Variants in USP6NL observed in about 807,000 individuals in gnomAD.
The protein encoded by USP6NL is USP6 N-terminal like.
In USP6NL, 26 loss-of-function variants were observed where a neutral mutation model predicts 61.9. That is an observed-to-expected ratio of 0.42 (90% CI 0.31 to 0.58). The LOEUF (loss-of-function observed/expected upper bound fraction) is 0.58, where lower values mean the gene tolerates loss of function less well. Among genes scored for constraint, USP6NL ranks in the 20% least tolerant of loss-of-function variants. The pLI is 0.16. For synonymous variants in USP6NL, 432 were observed against 390.1 expected, an observed-to-expected ratio of 1.11 and a Z score of -1.27; for missense variants, 1,114 against 1,034.3, an observed-to-expected ratio of 1.08 and a Z score of -1.06.
chr10:11,514,335 A>G (rs1297654875), intron 5 of USP6NL, among the ~76,000 whole-genome samples: 2 of 141,896 alleles, frequency 1.4e-5, no homozygotes. Flanking sequence ...GATGGTGGTA[A>G]AATGGTGTTT....
Position 11,489,286 on chromosome 10 carries a change from G to C in USP6NL, c.544-64C>G. Reference sequence around the variant, plus strand: ...GTCGAATTACATGCATATGTACAGAGAAAAAGCTACTCTATAAAAACCAGA... The same window carrying C: ...GTCGAATTACATGCATATGTACAGACAAAAAGCTACTCTATAAAAACCAGA... On this transcript the variant is annotated intron_variant, in intron 9 of 14. Transcript: ENST00000609104. This position sits in a 1 kb window ranked among gnomAD's most constrained non-coding sequence, Gnocchi z 5.7. The C allele has an allele frequency of 1.9e-6, 3 of 1,553,672 alleles. No individual in the cohort carries two copies. Among genetic ancestry groups the C allele is most frequent in the Non-Finnish European group, 1.7e-6 (2 of 1,146,200 alleles).
At position 11,532,277 on chromosome 10, in the gene USP6NL, C is replaced by A; in HGVS notation, c.5-4710G>T. On this transcript the variant is annotated intron_variant, in intron 2 of 14. Coordinates refer to ENST00000609104, the MANE Select transcript of USP6NL (RefSeq NM_014688.5). The surrounding 1 kb of genome is among the most constrained non-coding windows in gnomAD (Gnocchi z 4.1). ...AAGATTTCATTATTATTTTATAGTTCTCGAACACACCAAGAGTGCTGCCCG... is the reference window on the plus strand; with the variant it reads ...AAGATTTCATTATTATTTTATAGTTATCGAACACACCAAGAGTGCTGCCCG... The A allele has an allele frequency of 6.5e-7, 1 of 1,532,956 alleles. No individual in the cohort carries two copies. The highest frequency in any genetic ancestry group is 8.8e-7 in the Non-Finnish European group (1 of 1,133,164). 95.0% of individuals were successfully genotyped at this position (1,532,956 alleles called of 1,614,324 possible). A position where few individuals can be genotyped will look rare whatever the true frequency, so the allele number is the denominator to read the frequency against.
At position 11,489,964 on chromosome 10, in the gene USP6NL, C is replaced by T. The variant is rs1833640814; in HGVS notation, c.544-742G>A. Among the ~76,000 whole-genome samples the T allele has an allele frequency of 6.6e-6, 1 of 152,164 alleles. No individual in the cohort carries two copies. The highest frequency in any genetic ancestry group is 2.4e-5 in the African/African-American group (1 of 41,430). ...AAAGGAAGCAATCTGGAGAGAGAAACAGTGAACTGAACAGTTCACAGAGAT... is the reference window on the plus strand; with the variant it reads ...AAAGGAAGCAATCTGGAGAGAGAAATAGTGAACTGAACAGTTCACAGAGAT... On this transcript the variant is annotated intron_variant, in intron 9 of 14. Coordinates refer to ENST00000609104, the MANE Select transcript of USP6NL (RefSeq NM_014688.5). This position sits in a 1 kb window ranked among gnomAD's most constrained non-coding sequence, Gnocchi z 5.7.
At chr10:11,505,309 C>T (rs1290429568) in intron 6 of USP6NL, among the ~76,000 whole-genome samples, 1 of 152,148 alleles carries the variant, frequency 6.6e-6, no homozygotes. Context: ...TTATTATGAG[C>T]TGACACTATG....
chr10:11,576,946 G>A (rs114144077), intron 2 of USP6NL, among the ~76,000 whole-genome samples: 58 of 152,044 alleles, frequency 3.8e-4, no homozygotes, highest in African/African-American at 1.4e-3. Flanking sequence ...CAACTAGGTA[G>A]AAATGATATT....
At chr10:11,541,648 CGTAA>C (rs894521600) in intron 2 of USP6NL, among the ~76,000 whole-genome samples, 14 of 152,020 alleles carry the variant, frequency 9.2e-5, no homozygotes, top group Non-Finnish European at 1.3e-4. Context: ...AATAGAAAGC[CGTAA>C]GTGTTTTTCA....
intron 5 of USP6NL, among the ~76,000 whole-genome samples, chr10:11,512,961 G>T (rs534937224): frequency 6.6e-6 from 1 of 152,134 alleles, no homozygotes; most frequent in Non-Finnish European, 1.5e-5. Context: ...TCTATAAAAC[G>T]AGAATTATTT....
chr10:11,483,497 A>G (rs1381317561), intron 13 of USP6NL, among the ~76,000 whole-genome samples: 13 of 63,052 alleles, frequency 2.1e-4, no homozygotes, highest in East Asian at 4.6e-4. Flanking sequence ...GGGGGAGGGG[A>G]GGGAGAGAGG....
chr10:11,480,632 C>T (rs373497478), intron 14 of USP6NL, among the ~76,000 whole-genome samples: 1 of 152,208 alleles, frequency 6.6e-6, no homozygotes. Context: ...TGGAGCAGTG[C>T]TGATTAGACC....
At chr10:11,486,160 A>T (rs1833461012) in intron 10 of USP6NL, among the ~76,000 whole-genome samples, 1 of 36,350 alleles carries the variant, frequency 2.8e-5, no homozygotes, top group African/African-American at 7.0e-5. Flanking sequence ...GGAAACCTTA[A>T]AAAAAAAAAA....
chr10:11,484,218 T>C (rs1833362764), intron 13 of USP6NL, among the ~76,000 whole-genome samples: 1 of 152,178 alleles, frequency 6.6e-6, no homozygotes, highest in African/African-American at 2.4e-5. Flanking sequence ...TTCAATGATT[T>C]TCTTTTCTGC....
chr10:11,579,399 G>T (rs192443053), intron 2 of USP6NL, among the ~76,000 whole-genome samples: 4 of 152,140 alleles, frequency 2.6e-5, no homozygotes, highest in African/African-American at 9.7e-5. Flanking sequence ...TCATTAATAA[G>T]ATAGTCCCCA....
rs996056291 is a variant in USP6NL at position 11,481,263 on chromosome 10, C to A, written c.1078+507G>T. Among the ~76,000 whole-genome samples, 4 of 152,064 alleles carry A rather than the reference C, an allele frequency of 2.6e-5. No individual in the cohort carries two copies. The highest frequency in any genetic ancestry group is 9.7e-5 in the African/African-American group (4 of 41,406). On this transcript the variant is annotated intron_variant, in intron 14 of 14. Coordinates refer to ENST00000609104, the MANE Select transcript of USP6NL (RefSeq NM_014688.5). The surrounding 1 kb of genome is among the most constrained non-coding windows in gnomAD (Gnocchi z 4.4). Reference sequence around the variant, plus strand: ...ATACTGTAGCATACTACAAAGAGCCCTGGGCTAGTAGTCAGAAAAACTGGC... The same window carrying A: ...ATACTGTAGCATACTACAAAGAGCCATGGGCTAGTAGTCAGAAAAACTGGC...
chr10:11,520,277 G>C lies in USP6NL; in HGVS notation c.156-1703C>G, dbSNP rs568636347. 6.6e-6 allele frequency among the ~76,000 whole-genome samples: 1 copy of C among 152,298 alleles called. No individual in the cohort carries two copies. Among genetic ancestry groups the C allele is most frequent in the African/African-American group, 2.4e-5 (1 of 41,574 alleles). On this transcript the variant is annotated intron_variant, in intron 4 of 14. Transcript: ENST00000609104. This position sits in a 1 kb window ranked among gnomAD's most constrained non-coding sequence, Gnocchi z 5.2. ...AAAAAGTCTTCAGACCTCATAGATG[G>C]ATGATAGAGTAAATATGTGGTCCAG... is the stretch of plus-strand genomic sequence containing the variant.
In USP6NL at chr10:11,470,062, A is replaced by G. The variant is rs1832665654; in HGVS notation, c.1079-6213T>C. On this transcript the variant is annotated intron_variant, in intron 14 of 14. Transcript: ENST00000609104. This position sits in a 1 kb window ranked among gnomAD's most constrained non-coding sequence, Gnocchi z 5.4. ...AGGGAGGCCCTCAGGCCCCCGGGGCAGCGCTGTGGAGGTAGTAACGCTGTG... is the reference window on the plus strand; with the variant it reads ...AGGGAGGCCCTCAGGCCCCCGGGGCGGCGCTGTGGAGGTAGTAACGCTGTG... Among the ~76,000 whole-genome samples the G allele has an allele frequency of 6.6e-6, 1 of 152,216 alleles. No homozygotes were observed. The highest frequency in any genetic ancestry group is 6.5e-5 in the Admixed American group (1 of 15,280).
chr10:11,562,531 GGC>G lies in USP6NL; in HGVS notation c.5-34966_5-34965del. ...AGCCGGGTCACTCAAGACATTGCTT[GGC>G]CACTGTGACTACTCTGAGTCTAGCT... On this transcript the variant is annotated intron_variant, in intron 2 of 14. Transcript: ENST00000609104. This position sits in a 1 kb window ranked among gnomAD's most constrained non-coding sequence, Gnocchi z 4.8. 1.0e-6 allele frequency: 1 copy of G among 985,386 alleles called. No homozygotes were observed. The highest frequency in any genetic ancestry group is 1.2e-6 in the Non-Finnish European group (1 of 829,916). The allele number at this position is 985,386 out of a possible 1,614,324, so 61.0% of individuals were successfully genotyped here.
intron 2 of USP6NL, among the ~76,000 whole-genome samples, chr10:11,576,553 G>T (rs775855650): frequency 1.3e-5 from 2 of 152,220 alleles, no homozygotes; most frequent in Non-Finnish European, 2.9e-5. Context: ...GGAGAAGCTA[G>T]AAGGCGCCAT....
Position 11,585,356 on chromosome 10 carries a change from A to G in USP6NL, c.4+12275T>C, listed in dbSNP as rs1837925959. On this transcript the variant is annotated intron_variant, in intron 2 of 14. Coordinates refer to ENST00000609104, the MANE Select transcript of USP6NL (RefSeq NM_014688.5). This position sits in a 1 kb window ranked among gnomAD's most constrained non-coding sequence, Gnocchi z 4.5. ...CAATTCCACTTCTTGGTACAGACCC[A>G]GAAGAATTGAAAGCAGGGTTCCAAA... Among the ~76,000 whole-genome samples the G allele has an allele frequency of 6.6e-6, 1 of 152,242 alleles. No homozygotes were observed. The highest frequency in any genetic ancestry group is 1.5e-5 in the Non-Finnish European group (1 of 68,042).
chr10:11,526,819 T>C (rs1835439572), intron 3 of USP6NL, among the ~76,000 whole-genome samples: 1 of 152,208 alleles, frequency 6.6e-6, no homozygotes, highest in Non-Finnish European at 1.5e-5. Context: ...TTGTCAATAA[T>C]TGTGATTTTC....
Sources: gnomAD v4.1 joint callset for allele counts (sites outside exome capture counted in the v4.1 genomes callset) on GRCh38, gnomAD v4.1.1 for gene constraint, Gnocchi (gnomAD v3.1) non-coding constraint, MANE v1.5 for transcripts, NCBI Gene and HGNC (gene_info 2026-07-23, HGNC 2026-07-21) for gene names.